Variants in CARM1 observed in about 807,000 individuals in gnomAD.
CARM1 encodes the protein histone-arginine methyltransferase CARM1.
A neutral mutation model predicts 72.7 loss-of-function variants in CARM1; 14 were observed. That is an observed-to-expected ratio of 0.19 (90% CI 0.13 to 0.30). The LOEUF (loss-of-function observed/expected upper bound fraction) is 0.30. Ranked by LOEUF, CARM1 falls within the 10% of genes least tolerant of loss-of-function variation. The pLI is 1.00. For synonymous variants in CARM1, 333 were observed against 345.5 expected (o/e 0.96, Z 0.40); for missense variants, 432 against 833.7 (o/e 0.52, Z 5.93).
intron 1 of CARM1, among the ~76,000 whole-genome samples, chr19:10,881,126 A>G (rs892298474): frequency 1.3e-5 from 2 of 152,136 alleles, no homozygotes; most frequent in African/African-American, 4.8e-5. Flanking sequence ...TAATCGTACC[A>G]CTGCACTCCA....
At chr19:10,908,893 C>T in intron 3 of CARM1, 1 of 478,200 alleles carries the variant, frequency 2.1e-6, no homozygotes, top group East Asian at 4.0e-5. Flanking sequence ...CCATCGGCTG[C>T]AGTGATAGTG....
chr19:10,912,123 T>G lies in CARM1; in HGVS notation c.559-61T>G. ...TGATGTGCACATCCCTTATGATCAC[T>G]GTCACCTCCCCATCACCGTCGCCTC... is the stretch of plus-strand genomic sequence containing the variant. On this transcript the variant is annotated intron_variant, in intron 4 of 15. Coordinates refer to ENST00000327064, the MANE Select transcript of CARM1 (RefSeq NM_199141.2). The surrounding 1 kb of genome is among the most constrained non-coding windows in gnomAD (Gnocchi z 4.5). 2 of 1,180,592 alleles carry G rather than the reference T, an allele frequency of 1.7e-6. No individual in the cohort carries two copies. The highest frequency in any genetic ancestry group is 2.6e-6 in the Non-Finnish European group (2 of 784,010). The allele number at this position is 1,180,592 out of a possible 1,614,324, so 73.1% of individuals were successfully genotyped here.
intron 1 of CARM1, among the ~76,000 whole-genome samples, chr19:10,878,803 C>T (rs865865642): frequency 1.9e-4 from 29 of 151,566 alleles, no homozygotes; most frequent in African/African-American, 6.0e-4. Context: ...GGTCCTCCCC[C>T]CGGCTTTTTT....
At chr19:10,873,598 A>AT (rs945536826) in intron 1 of CARM1, among the ~76,000 whole-genome samples, 7 of 114,502 alleles carry the variant, frequency 6.1e-5, no homozygotes, top group South Asian at 2.8e-4. Flanking sequence ...CAAAAAAAAA[A>AT]TTTTTTTTAG....
intron 3 of CARM1, 27 bp from the exon 4 acceptor site, chr19:10,909,076 C>T (rs759576388): frequency 5.5e-5 from 86 of 1,559,488 alleles, no homozygotes; most frequent in Non-Finnish European, 7.1e-5. Flanking sequence ...CCATGTGCCC[C>T]GTGCCATCGG....
At chr19:10,891,994 G>T (rs1313041594) in intron 1 of CARM1, among the ~76,000 whole-genome samples, 1 of 152,154 alleles carries the variant, frequency 6.6e-6, no homozygotes. Context: ...CATGAATGCA[G>T]TGTGCACTGC....
Position 10,914,064 on chromosome 19 carries a change from G to A in CARM1, c.847+10G>A, listed in dbSNP as rs1401369685. 3 of 1,607,118 alleles carry A rather than the reference G, an allele frequency of 1.9e-6. No homozygotes were observed. The highest frequency in any genetic ancestry group is 2.7e-5 in the African/African-American group (2 of 74,744). On this transcript the variant is annotated intron_variant, in intron 6 of 15. Coordinates refer to ENST00000327064, the MANE Select transcript of CARM1 (RefSeq NM_199141.2). ...TACCTGAAGCCCAGCGGTGAGCACT[G>A]GGGGGTACACAGGCCAGGCCCCTCG...
Position 10,916,786 on chromosome 19 carries a change from G to A in CARM1, c.1020+9G>A. 1 of 1,541,756 alleles carries A rather than the reference G, an allele frequency of 6.5e-7. No individual in the cohort carries two copies. Among genetic ancestry groups the A allele is most frequent in the Non-Finnish European group, 8.8e-7 (1 of 1,138,830 alleles). On this transcript the variant is annotated intron_variant, in intron 8 of 15. Coordinates refer to ENST00000327064, the MANE Select transcript of CARM1 (RefSeq NM_199141.2). This position sits in a 1 kb window ranked among gnomAD's most constrained non-coding sequence, Gnocchi z 4.4. The stretch of plus-strand genomic sequence containing the variant: ...TCCGGCAGCCTGTGGTGGTGAGTAG[G>A]GCCTCCAGGGTACTGCTGCAGTGAT...
Position 10,916,862 on chromosome 19 carries a change from C to G in CARM1, c.1020+85C>G. 1 of 1,002,634 alleles carries G rather than the reference C, an allele frequency of 1.0e-6. No individual in the cohort carries two copies. Among genetic ancestry groups the G allele is most frequent in the Non-Finnish European group, 1.5e-6 (1 of 667,062 alleles). The allele number at this position is 1,002,634 out of a possible 1,614,324, so 62.1% of individuals were successfully genotyped here. ...CAGCCCTCAGGAAGCTACAGCCCCT[C>G]TCTGAGCCCTCTCCTCTGCCCTGCA... On this transcript the variant is annotated intron_variant, in intron 8 of 15. Coordinates refer to ENST00000327064, the MANE Select transcript of CARM1 (RefSeq NM_199141.2). This position sits in a 1 kb window ranked among gnomAD's most constrained non-coding sequence, Gnocchi z 4.4.
chr19:10,886,167 C>T (rs1272147268), intron 1 of CARM1, among the ~76,000 whole-genome samples: 4 of 151,688 alleles, frequency 2.6e-5, no homozygotes, highest in Admixed American at 2.6e-4. Context: ...AGTGATTGTC[C>T]TGCCTCAGCC....
At chr19:10,907,697 C>CT (rs1196127781) in intron 2 of CARM1, among the ~76,000 whole-genome samples, 1 of 152,156 alleles carries the variant, frequency 6.6e-6, no homozygotes, top group Non-Finnish European at 1.5e-5. Flanking sequence ...TGGACTTGGG[C>CT]TTATTTGCCA....
At chr19:10,917,441 C>T (rs1490518817) in intron 8 of CARM1, among the ~76,000 whole-genome samples, 1 of 151,944 alleles carries the variant, frequency 6.6e-6, no homozygotes, top group Non-Finnish European at 1.5e-5. Flanking sequence ...CGCACCACTG[C>T]ACTCCAGCCT....
rs774153395 is a variant in CARM1, at chr19:10,912,814, C to T, written c.669+520C>T. On this transcript the variant is annotated intron_variant, in intron 5 of 15. Coordinates refer to ENST00000327064, the MANE Select transcript of CARM1 (RefSeq NM_199141.2). This position sits in a 1 kb window ranked among gnomAD's most constrained non-coding sequence, Gnocchi z 4.5. ...GCCGCAGAGCACCCCTGTGCCCAGC[C>T]GTGCCGCTGTTGCTTTAGCTGCATT... Among the ~76,000 whole-genome samples, 7 of 152,144 alleles carry T rather than the reference C, an allele frequency of 4.6e-5. No homozygotes were observed. The highest frequency in any genetic ancestry group is 1.0e-4 in the Non-Finnish European group (7 of 68,020).
intron 2 of CARM1, among the ~76,000 whole-genome samples, chr19:10,905,733 A>G (rs2074097933): frequency 6.6e-6 from 1 of 151,852 alleles, no homozygotes; most frequent in African/African-American, 2.4e-5. Flanking sequence ...CCTTGTCTCA[A>G]GGTAGCTGTG....
At chr19:10,904,210 T>C (rs1354631263) in intron 1 of CARM1, among the ~76,000 whole-genome samples, 2 of 152,230 alleles carry the variant, frequency 1.3e-5, no homozygotes, top group Non-Finnish European at 2.9e-5. Context: ...CTGTTGTCCC[T>C]TGAAGATGAG....
chr19:10,908,074 C>T lies in CARM1; in HGVS notation c.382C>T (p.Arg128Trp), dbSNP rs773989666. 2.5e-6 allele frequency: 4 copies of T among 1,613,862 alleles called. No homozygotes were observed. Among genetic ancestry groups the T allele is most frequent in the Non-Finnish European group, 3.4e-6 (4 of 1,179,946 alleles). Residue 128 changes from arginine (R) to tryptophan (W), a missense_variant, in exon 3 of 16, where the codon CGG (arginine) becomes TGG (tryptophan). Physicochemically the swap from Arg to Trp is moderately radical, Grantham distance 101. This residue lies in a region of CARM1 where 138 missense variants were observed against 192.3 expected (regional missense o/e 0.72). Coordinates refer to ENST00000327064, the MANE Select transcript of CARM1 (RefSeq NM_199141.2). ...CSFYNILKTC[R>W]GHTLERSVFS... ...CTTCTACAACATCCTGAAAACCTGCCGGGGCCACACCCTGGAGCGGTCTGT... is the reference window on the plus strand; with the variant it reads ...CTTCTACAACATCCTGAAAACCTGCTGGGGCCACACCCTGGAGCGGTCTGT...
At chr19:10,909,511 G>T (rs574903570) in intron 4 of CARM1, among the ~76,000 whole-genome samples, 3 of 151,942 alleles carry the variant, frequency 2.0e-5, no homozygotes, top group Non-Finnish European at 2.9e-5. Context: ...CCAGGCGGGC[G>T]GGTCACAAGG....
chr19:10,899,807 A>G (rs1599698090), intron 1 of CARM1, among the ~76,000 whole-genome samples: 1 of 142,078 alleles, frequency 7.0e-6, no homozygotes, highest in Non-Finnish European at 1.5e-5. Flanking sequence ...TGCAACCTCC[A>G]CCTCCCGGGT....
chr19:10,874,686 C>T (rs7256879), intron 1 of CARM1, among the ~76,000 whole-genome samples: 37,985 of 152,050 alleles, frequency 0.25, 4,801 homozygotes, highest in Middle Eastern at 0.33. Context: ...GCCACCGCAC[C>T]GCCCTCTTTA....
Sources: gnomAD v4.1 joint callset for allele counts (sites outside exome capture counted in the v4.1 genomes callset) on GRCh38, gnomAD v4.1.1 for gene constraint, gnomAD v4.1.1 regional missense constraint, Gnocchi (gnomAD v3.1) non-coding constraint, MANE v1.5 for transcripts, NCBI Gene and HGNC (gene_info 2026-07-23, HGNC 2026-07-21) for gene names.